GLTP: variants seen among roughly 807,000 people sequenced by gnomAD.
GLTP encodes glycolipid transfer protein.
A neutral mutation model predicts 24.0 loss-of-function variants in GLTP; 22 were observed. The ratio of observed to expected loss-of-function variants is 0.92; its 90% CI spans 0.65 to 1.31. The LOEUF is 1.31. GLTP is among the 50% of genes most tolerant of loss of function. The pLI is 0.00. For synonymous variants in GLTP, 92 were observed against 115.9 expected (o/e 0.79, Z 1.33); for missense variants, 224 against 276.6 (o/e 0.81, Z 1.35).
intron 1 of GLTP, among the ~76,000 whole-genome samples, chr12:109,878,145 A>C (rs1486009171): frequency 1.3e-5 from 2 of 152,238 alleles, no homozygotes; most frequent in African/African-American, 4.8e-5. Context: ...GATGCTCTTT[A>C]GCCCTGGCAC....
At position 109,851,086 on chromosome 12, in the gene GLTP, A is replaced by C. The variant is rs1407565084; in HGVS notation, c.*1469T>G. ...TTTGTTTGCCCCAGCACTTTAAAAA[A>C]TACAGCTCTTTTTAGCGCCAGGAAG... On this transcript the variant is annotated 3_prime_UTR_variant, in exon 5 of 5. Coordinates refer to ENST00000318348, the MANE Select transcript of GLTP (RefSeq NM_016433.4). The C allele has an allele frequency of 4.6e-5, 7 of 152,642 alleles. No individual in the cohort carries two copies. The highest frequency in any genetic ancestry group is 7.3e-5 in the Non-Finnish European group (5 of 68,030). 9.5% of individuals were successfully genotyped at this position (152,642 alleles called of 1,614,324 possible). A position where few individuals can be genotyped will look rare whatever the true frequency, so the allele number is the denominator to read the frequency against.
At chr12:109,875,506 G>A (rs1868854945) in intron 1 of GLTP, among the ~76,000 whole-genome samples, 1 of 152,184 alleles carries the variant, frequency 6.6e-6, no homozygotes, top group South Asian at 2.1e-4. Flanking sequence ...TGATACCTAA[G>A]TCTCCATGCC....
chr12:109,859,288 G>A (rs1010455302), intron 1 of GLTP, among the ~76,000 whole-genome samples: 1 of 152,234 alleles, frequency 6.6e-6, no homozygotes, highest in Non-Finnish European at 1.5e-5. Context: ...GGGAGGCCGA[G>A]GCGGGTGGAT....
At chr12:109,856,711 G>A (rs572918500) in intron 3 of GLTP, among the ~76,000 whole-genome samples, 18 of 152,178 alleles carry the variant, frequency 1.2e-4, no homozygotes, top group Non-Finnish European at 2.5e-4. Context: ...TCTGTAGCTG[G>A]TAGAGAACAG....
At chr12:109,864,878 T>C (rs1437736168) in intron 1 of GLTP, among the ~76,000 whole-genome samples, 1 of 152,226 alleles carries the variant, frequency 6.6e-6, no homozygotes, top group Non-Finnish European at 1.5e-5. Context: ...AGGCAGAGTC[T>C]CACTCCGTTG....
chr12:109,876,501 A>G (rs1308518274), intron 1 of GLTP, among the ~76,000 whole-genome samples: 3 of 151,630 alleles, frequency 2.0e-5, no homozygotes, highest in East Asian at 3.9e-4. Context: ...AAGAAAGAAA[A>G]ACAGAGAAGA....
At position 109,855,067 on chromosome 12, in the gene GLTP, G is replaced by A. The variant is rs377385517; in HGVS notation, c.447+552C>T. ...GGCGCAGGGCAGCCGGAGGGCCTTC[G>A]CAAGTCTCCTGAGCAGGGCTGTCCG... On this transcript the variant is annotated intron_variant, in intron 4 of 4. Transcript: ENST00000318348. This position sits in a 1 kb window ranked among gnomAD's most constrained non-coding sequence, Gnocchi z 4.1. Among the ~76,000 whole-genome samples the A allele has an allele frequency of 2.0e-5, 3 of 152,202 alleles. No homozygotes were observed. Among genetic ancestry groups the A allele is most frequent in the Non-Finnish European group, 4.4e-5 (3 of 68,028 alleles).
chr12:109,859,139 C>T (rs915563122), intron 1 of GLTP, among the ~76,000 whole-genome samples: 5 of 152,206 alleles, frequency 3.3e-5, no homozygotes, highest in Non-Finnish European at 7.3e-5. Flanking sequence ...ACCACAGCCT[C>T]GACCTCCTGG....
intron 1 of GLTP, among the ~76,000 whole-genome samples, chr12:109,874,067 A>G (rs910402307): frequency 2.7e-4 from 41 of 152,136 alleles, no homozygotes; most frequent in Admixed American, 1.2e-3. Flanking sequence ...CAAGTACCCA[A>G]CCAGGCTGGC....
intron 1 of GLTP, among the ~76,000 whole-genome samples, chr12:109,867,697 C>A (rs1222969275): frequency 6.6e-6 from 1 of 151,954 alleles, no homozygotes; most frequent in East Asian, 1.9e-4. Context: ...TCTCTTTTTT[C>A]TTTTGAGATG....
In GLTP at chr12:109,880,418, G is replaced by A; in HGVS notation, c.-44C>T. The stretch of plus-strand genomic sequence containing the variant: ...GGTGATGCCCCAGCCGGCGCCGCGG[G>A]CGTCGACACCGCCCCCCCGGCCGCC... On this transcript the variant is annotated 5_prime_UTR_variant, in exon 1 of 5. Coordinates refer to ENST00000318348, the MANE Select transcript of GLTP (RefSeq NM_016433.4). This position sits in a 1 kb window ranked among gnomAD's most constrained non-coding sequence, Gnocchi z 5.1. 9.9e-7 allele frequency: 1 copy of A among 1,013,538 alleles called. No individual in the cohort carries two copies. The highest frequency in any genetic ancestry group is 1.3e-6 in the Non-Finnish European group (1 of 747,950). 62.8% of individuals were successfully genotyped at this position (1,013,538 alleles called of 1,614,324 possible).
At position 109,852,687 on chromosome 12, in the gene GLTP, G is replaced by A; in HGVS notation, c.498C>T (p.Ser166=). Residue 166 remains serine, a synonymous_variant, in exon 5 of 5, where the codon TCC becomes TCT. Transcript: ENST00000318348. ...CCTCCTCCGTAACATTCTGCCCCTT[G>A]GAGAGCGCTTTCAGGAAGTCAGACT... ...PYKSDFLKAL[S]KGQNVTEEEC... 1.9e-6 allele frequency: 3 copies of A among 1,612,360 alleles called. No individual in the cohort carries two copies. The highest frequency in any genetic ancestry group is 2.5e-6 in the Non-Finnish European group (3 of 1,178,402).
chr12:109,855,485 G>A lies in GLTP; in HGVS notation c.447+134C>T. On this transcript the variant is annotated intron_variant, in intron 4 of 4. Coordinates refer to ENST00000318348, the MANE Select transcript of GLTP (RefSeq NM_016433.4). This position sits in a 1 kb window ranked among gnomAD's most constrained non-coding sequence, Gnocchi z 4.1. ...TCAGTACACTAGCCTCACCCAAATA[G>A]ATGAGGGAGCCCTTCCTGAGCCCGA... is the stretch of plus-strand genomic sequence containing the variant. 1.4e-6 allele frequency: 1 copy of A among 719,326 alleles called. No homozygotes were observed. Among genetic ancestry groups the A allele is most frequent in the East Asian group, 2.9e-5 (1 of 34,460 alleles). 44.6% of individuals were successfully genotyped at this position (719,326 alleles called of 1,614,324 possible).
chr12:109,875,121 C>T (rs1470523323), intron 1 of GLTP, among the ~76,000 whole-genome samples: 1 of 152,088 alleles, frequency 6.6e-6, no homozygotes, highest in Non-Finnish European at 1.5e-5. Context: ...AACAAGAACC[C>T]AGAAGAATGA....
At chr12:109,873,078 T>C (rs1868775787) in intron 1 of GLTP, among the ~76,000 whole-genome samples, 1 of 152,158 alleles carries the variant, frequency 6.6e-6, no homozygotes, top group Non-Finnish European at 1.5e-5. Context: ...GTGTATTTCA[T>C]GTGTGGCCCA....
In GLTP at chr12:109,855,509, G is replaced by A. The variant is rs1038637399; in HGVS notation, c.447+110C>T. The A allele has an allele frequency of 3.9e-5, 38 of 976,308 alleles. No homozygotes were observed. The highest frequency in any genetic ancestry group is 5.1e-5 in the Non-Finnish European group (34 of 670,696). 60.5% of individuals were successfully genotyped at this position (976,308 alleles called of 1,614,324 possible). A position where few individuals can be genotyped will look rare whatever the true frequency, so the allele number is the denominator to read the frequency against. ...AGATGAGGGAGCCCTTCCTGAGCCC[G>A]AGGGGGTAAACACAGCCTCACAGGC... On this transcript the variant is annotated intron_variant, in intron 4 of 4. Coordinates refer to ENST00000318348, the MANE Select transcript of GLTP (RefSeq NM_016433.4). This position sits in a 1 kb window ranked among gnomAD's most constrained non-coding sequence, Gnocchi z 4.1.
rs533516142 is a variant in GLTP, at chr12:109,880,283, G to T, written c.92C>A (p.Pro31Gln). 1.2e-5 allele frequency: 19 copies of T among 1,596,572 alleles called. No individual in the cohort carries two copies. In the East Asian group the frequency reaches 4.3e-4, roughly 36 times the overall value. ...CCATTCCGGCTCACCGAAGAAGGGC[G>T]GCAGGTGGGACACCGCCTCGAGGAA... Reference protein sequence around the residue: ...GPFLEAVSHLPPFFDCLGSPV... With the variant: ...GPFLEAVSHLQPFFDCLGSPV... The change falls in exon 1 of 5, where the codon CCG (proline) becomes CAG (glutamine). Residue 31 changes from proline (P) to glutamine (Q), a missense_variant. By Grantham distance (76) the Pro-to-Gln change is moderately conservative (BLOSUM62 -1). Transcript: ENST00000318348. The surrounding 1 kb of genome is among the most constrained non-coding windows in gnomAD (Gnocchi z 5.1).
chr12:109,858,697 TTA>T lies in GLTP; in HGVS notation c.146_147del (p.Ile49LysfsTer109). 5.0e-6 allele frequency: 8 copies of T among 1,613,086 alleles called. No homozygotes were observed. Among genetic ancestry groups the T allele is most frequent in the Non-Finnish European group, 6.8e-6 (8 of 1,179,056 alleles). On this transcript the variant is annotated frameshift_variant, in exon 2 of 5. Coordinates refer to ENST00000318348, the MANE Select transcript of GLTP (RefSeq NM_016433.4). LOFTEE classifies it high-confidence loss of function. The stretch of plus-strand genomic sequence containing the variant: ...CAGGTACATACCGTGATGTTGCCGC[TTA>T]TGTCTGCCTTGATGGGAGTAAACAC... Reference protein sequence around the residue: ...SPVFTPIKADISGNITKIKAV... With the variant: ...SPVFTPIKADXSGNITKIKAV...
At chr12:109,874,006 C>T (rs1458760379) in intron 1 of GLTP, among the ~76,000 whole-genome samples, 13 of 152,232 alleles carry the variant, frequency 8.5e-5, no homozygotes, top group Non-Finnish European at 1.5e-5. Flanking sequence ...ACCCACACCA[C>T]TTGTCATGTG....
Sources: gnomAD v4.1 joint callset for allele counts (sites outside exome capture counted in the v4.1 genomes callset) on GRCh38, gnomAD v4.1.1 for gene constraint, Gnocchi (gnomAD v3.1) non-coding constraint, MANE v1.5 for transcripts, NCBI Gene and HGNC (gene_info 2026-07-23, HGNC 2026-07-21) for gene names.